The following DENND1A variants were observed in gnomAD, a reference collection of about 807,000 sequenced individuals.
DENND1A encodes the protein DENN domain-containing protein 1A.
A neutral mutation model predicts 113.7 loss-of-function variants in DENND1A; 51 were observed. That is an observed-to-expected ratio of 0.45 (90% CI 0.36 to 0.57). DENND1A has a LOEUF of 0.57. DENND1A is among the 20% of genes least tolerant of loss of function. The pLI, the probability that DENND1A is intolerant of heterozygous loss-of-function variation, is 0.00. For missense variants in DENND1A, 1,258 were observed against 1,395.9 expected, an observed-to-expected ratio of 0.90 and a Z score of 1.57; for synonymous variants, 565 against 570.8, an observed-to-expected ratio of 0.99 and a Z score of 0.14.
chr9:123,826,298 G>A (rs1335145757), intron 2 of DENND1A, among the ~76,000 whole-genome samples: 1 of 152,124 alleles, frequency 6.6e-6, no homozygotes, highest in Non-Finnish European at 1.5e-5. Flanking sequence ...AACTTCTCAG[G>A]AGGCTGGAGT....
chr9:123,711,522 T>TATAC (rs2066625736), intron 5 of DENND1A, among the ~76,000 whole-genome samples: 1 of 142,892 alleles, frequency 7.0e-6, no homozygotes, highest in Non-Finnish European at 1.5e-5. Flanking sequence ...TGTATATATA[T>TATAC]ATATATATAT....
At chr9:123,454,622 C>T in intron 16 of DENND1A, 117 bp downstream of exon 16, 1 of 1,022,996 alleles carries the variant, frequency 9.8e-7, no homozygotes, top group Non-Finnish European at 1.5e-6. Flanking sequence ...CAAACAAAGG[C>T]ATCTCCAGCA....
intron 10 of DENND1A, among the ~76,000 whole-genome samples, chr9:123,626,359 G>C (rs1272982489): frequency 6.6e-6 from 1 of 151,986 alleles, no homozygotes; most frequent in African/African-American, 2.4e-5. Context: ...GTGTCTGGGG[G>C]GAGAGGGGAT....
intron 22 of DENND1A, among the ~76,000 whole-genome samples, chr9:123,386,025 C>A (rs1346187325): frequency 1.3e-5 from 2 of 152,120 alleles, no homozygotes; most frequent in African/African-American, 4.8e-5. Flanking sequence ...GGAAGCGAGC[C>A]CTCGCCGTTA....
chr9:123,776,939 G>C (rs553554518), intron 3 of DENND1A, among the ~76,000 whole-genome samples: 10 of 152,324 alleles, frequency 6.6e-5, no homozygotes, highest in Non-Finnish European at 1.0e-4. Context: ...GCTGTCTTAG[G>C]CTTCTCCAAA....
At chr9:123,483,338 G>A (rs1211867238) in intron 13 of DENND1A, among the ~76,000 whole-genome samples, 1 of 152,246 alleles carries the variant, frequency 6.6e-6, no homozygotes, top group Non-Finnish European at 1.5e-5. Context: ...TGGTGGTCCA[G>A]AGATGCTGGG....
At chr9:123,729,730 A>G (rs930551341) in intron 5 of DENND1A, among the ~76,000 whole-genome samples, 2 of 152,228 alleles carry the variant, frequency 1.3e-5, no homozygotes, top group African/African-American at 4.8e-5. Context: ...GCTACCACTG[A>G]CTTTTTTCAC....
chr9:123,546,086 T>C (rs1028702344), intron 13 of DENND1A, among the ~76,000 whole-genome samples: 1 of 152,102 alleles, frequency 6.6e-6, no homozygotes, highest in Admixed American at 6.6e-5. Flanking sequence ...TATTTACTGG[T>C]CATGACAATT....
rs753673261 is a variant in DENND1A at position 123,583,205 on chromosome 9, G to C, written c.831C>G (p.Thr277=). ...ILNVDTNTLE[T]PFDDLQSLPN... is the part of the protein sequence containing the mutation. ...GGAGGCTCTGGAGGTCATCGAAGGGGGTTTCCAGGGTGTTGGTGTCCACAT... is the reference window on the plus strand; with the variant it reads ...GGAGGCTCTGGAGGTCATCGAAGGGCGTTTCCAGGGTGTTGGTGTCCACAT... Residue 277 remains threonine (T), a synonymous_variant, in exon 12 of 24, where the codon ACC becomes ACG. Coordinates refer to ENST00000394215, the MANE Select transcript of DENND1A (RefSeq NM_001352964.2). The C allele has an allele frequency of 2.5e-6, 4 of 1,612,558 alleles. No individual in the cohort carries two copies. In the Admixed American group the frequency reaches 5.0e-5, roughly 20 times the overall value.
intron 19 of DENND1A, among the ~76,000 whole-genome samples, chr9:123,417,627 C>T (rs1297353183): frequency 6.6e-6 from 1 of 152,186 alleles, no homozygotes; most frequent in Non-Finnish European, 1.5e-5. Context: ...TAATCCTTGT[C>T]CCTTCTGAAG....
chr9:123,627,778 TGA>T (rs56191828), intron 10 of DENND1A, among the ~76,000 whole-genome samples: 38 of 121,690 alleles, frequency 3.1e-4, no homozygotes, highest in African/African-American at 2.8e-4. Flanking sequence ...AGCGAGCGAG[TGA>T]GAGAGAGAGA....
At chr9:123,410,979 G>C (rs534993019) in intron 20 of DENND1A, among the ~76,000 whole-genome samples, 149 of 152,222 alleles carry the variant, frequency 9.8e-4, no homozygotes, top group African/African-American at 3.3e-3. Context: ...TGCTTAACAC[G>C]GGACCCAGAC....
Position 123,867,982 on chromosome 9 carries a change from A to C in DENND1A, c.88+10969T>G, listed in dbSNP as rs117117865. On this transcript the variant is annotated intron_variant, in intron 2 of 23. Coordinates refer to ENST00000394215, the MANE Select transcript of DENND1A (RefSeq NM_001352964.2). ...AATGAACCCAACACAGAAGACAGAG[A>C]ATCAAGAGATAGGGAAAATTTCTGA... 3.6e-3 allele frequency among the ~76,000 whole-genome samples: 544 copies of C among 152,324 alleles called. 2 individuals are homozygous for C. Among genetic ancestry groups the C allele is most frequent in the Non-Finnish European group, 6.2e-3 (421 of 68,026 alleles).
chr9:123,794,866 T>C (rs1261083657), intron 2 of DENND1A, among the ~76,000 whole-genome samples: 2 of 152,148 alleles, frequency 1.3e-5, no homozygotes, highest in Non-Finnish European at 2.9e-5. Context: ...ACATTGAAGA[T>C]AAAGATGACC....
chr9:123,816,820 G>C (rs1419107142), intron 2 of DENND1A, among the ~76,000 whole-genome samples: 2 of 152,082 alleles, frequency 1.3e-5, no homozygotes, highest in African/African-American at 4.8e-5. Flanking sequence ...AGGGTTAAAG[G>C]AACATAGTAG....
intron 1 of DENND1A, among the ~76,000 whole-genome samples, chr9:123,903,331 CAAA>C (rs869154918): frequency 4.4e-4 from 12 of 27,012 alleles, no homozygotes; most frequent in Admixed American, 1.0e-3. Context: ...GACTCCGTCT[CAAA>C]AAAAAAAAAA....
intron 8 of DENND1A, among the ~76,000 whole-genome samples, chr9:123,657,618 A>G (rs1334906979): frequency 1.3e-5 from 2 of 152,188 alleles, no homozygotes; most frequent in Non-Finnish European, 2.9e-5. Flanking sequence ...CATACATGGT[A>G]CACATGATAA....
At chr9:123,664,483 T>C (rs148432990) in intron 8 of DENND1A, among the ~76,000 whole-genome samples, 36 of 152,108 alleles carry the variant, frequency 2.4e-4, no homozygotes, top group African/African-American at 7.9e-4. Context: ...TTTCTTTTTC[T>C]AGTTTTGGTT....
intron 2 of DENND1A, among the ~76,000 whole-genome samples, chr9:123,846,580 G>C (rs1458704877): frequency 6.6e-6 from 1 of 152,152 alleles, no homozygotes; most frequent in African/African-American, 2.4e-5. Context: ...ATTAGGGTAA[G>C]TGAAATAAAC....
Sources: allele counts gnomAD v4.1 joint callset (sites outside exome capture counted in the v4.1 genomes callset), GRCh38; gene constraint gnomAD v4.1.1; transcripts MANE v1.5; gene names NCBI Gene and HGNC (gene_info 2026-07-23, HGNC 2026-07-21).